The following MYH7 variants were observed in gnomAD, a reference collection of about 807,000 sequenced individuals.
The protein encoded by MYH7 is myosin-7.
MYH7 carries 129 observed loss-of-function variants against 225.4 expected under a neutral mutation model. The ratio of observed to expected loss-of-function variants is 0.57; its 90% CI spans 0.50 to 0.66. The LOEUF (loss-of-function observed/expected upper bound fraction) is 0.66, where lower values mean the gene tolerates loss of function less well. Among genes scored for constraint, MYH7 ranks in the 30% least tolerant of loss-of-function variants. The pLI is 0.00. For synonymous variants in MYH7, 971 were observed against 1,007.6 expected (o/e 0.96, Z 0.69); for missense variants, 1,649 against 2,517.0 (o/e 0.66, Z 7.38).
At position 23,425,203 on chromosome 14, in the gene MYH7, T is replaced by C. The variant is rs1595082921; in HGVS notation, c.2423+79A>G. On this transcript the variant is annotated intron_variant, in intron 21 of 39. Transcript: ENST00000355349. This position sits in a 1 kb window ranked among gnomAD's most constrained non-coding sequence, Gnocchi z 4.6. Reference sequence around the variant, plus strand: ...CAGGTCTCTGTGTTTGAAGATCTGCTGAGCTTTTTTTCCTGACACTGCCCC... The same window carrying C: ...CAGGTCTCTGTGTTTGAAGATCTGCCGAGCTTTTTTTCCTGACACTGCCCC... 2.5e-6 allele frequency: 4 copies of C among 1,612,164 alleles called. No homozygotes were observed. The highest frequency in any genetic ancestry group is 3.4e-6 in the Non-Finnish European group (4 of 1,178,640).
chr14:23,419,353 C>T (rs2138651744), intron 28 of MYH7, 58 bp from the exon 29 acceptor site: 1 of 1,612,654 alleles, frequency 6.2e-7, no homozygotes, highest in East Asian at 2.2e-5. Context: ...CTCCTCTAGC[C>T]CTCAGGCCCC....
Position 23,422,239 on chromosome 14 carries a change from G to A in MYH7, c.3186C>T (p.Thr1062=). ...KRKLEGDLKL[T]QESIMDLEND... ...TCTCCAGGTCCATGATGCTCTCCTGGGTCAGCTTCAGGTCGCCCTCCAGCT... is the reference window on the plus strand; with the variant it reads ...TCTCCAGGTCCATGATGCTCTCCTGAGTCAGCTTCAGGTCGCCCTCCAGCT... Residue 1062 remains threonine, a synonymous_variant, in exon 25 of 40, where the codon ACC becomes ACT. Coordinates refer to ENST00000355349, the MANE Select transcript of MYH7 (RefSeq NM_000257.4). 6.2e-7 allele frequency: 1 copy of A among 1,613,868 alleles called. No homozygotes were observed. The highest frequency in any genetic ancestry group is 8.5e-7 in the Non-Finnish European group (1 of 1,179,984).
intron 30 of MYH7, 183 bp from the exon 31 acceptor site, chr14:23,417,869 C>A: frequency 2.1e-6 from 2 of 965,434 alleles, no homozygotes; most frequent in Non-Finnish European, 1.7e-6. Context: ...CGTGGAGACC[C>A]AGGCACCCTC....
At position 23,429,219 on chromosome 14, in the gene MYH7, A is replaced by AG; in HGVS notation, c.1257+9_1257+10insC. 6.2e-7 allele frequency: 1 copy of AG among 1,612,862 alleles called. No individual in the cohort carries two copies. The highest frequency in any genetic ancestry group is 8.5e-7 in the Non-Finnish European group (1 of 1,178,824). On this transcript the variant is annotated intron_variant, in intron 13 of 39. Coordinates refer to ENST00000355349, the MANE Select transcript of MYH7 (RefSeq NM_000257.4). Reference sequence around the variant, plus strand: ...CCTGCCCACCCATTATCATCTGAAGATGGACCCACCTGCTGGACATTCTGC... The same window carrying AG: ...CCTGCCCACCCATTATCATCTGAAGAGTGGACCCACCTGCTGGACATTCTGC...
chr14:23,431,402 G>T lies in MYH7; in HGVS notation c.796+16C>A, dbSNP rs759774751. 6.2e-7 allele frequency: 1 copy of T among 1,613,066 alleles called. No individual in the cohort carries two copies. Among genetic ancestry groups the T allele is most frequent in the East Asian group, 2.2e-5 (1 of 44,870 alleles). ...GGGTGAGCTTAGGCTGAGCCTAGCA[G>T]ATTCATGGCACTCACAGGTCTCTAT... is the stretch of plus-strand genomic sequence containing the variant. On this transcript the variant is annotated intron_variant, in intron 9 of 39. Coordinates refer to ENST00000355349, the MANE Select transcript of MYH7 (RefSeq NM_000257.4).
At position 23,420,679 on chromosome 14, in the gene MYH7, A is replaced by G. The variant is rs1296263332; in HGVS notation, c.3336+279T>C. The stretch of plus-strand genomic sequence containing the variant: ...AACAGGGGAGGGCATGGAGACCCAG[A>G]GATCTGGAGTGGGCTCCCAGAGGTC... On this transcript the variant is annotated intron_variant, in intron 26 of 39. Transcript: ENST00000355349. 1.3e-5 allele frequency among the ~76,000 whole-genome samples: 2 copies of G among 152,192 alleles called. 1 individual carries two copies. Among genetic ancestry groups the G allele is most frequent in the Non-Finnish European group, 2.9e-5 (2 of 68,032 alleles).
Position 23,414,070 on chromosome 14 carries a change from C to T in MYH7, c.5592G>A (p.Leu1864=), listed in dbSNP as rs746962437. Residue 1864 remains leucine, a synonymous_variant, in exon 38 of 40, where the codon CTG becomes CTA. Transcript: ENST00000355349. Reference sequence around the variant, plus strand: ...GCTGCAGCTTGTCTACCAGGTCCTGCAGCCGCAGCAGGTTTTTCCTGTCCT... The same window carrying T: ...GCTGCAGCTTGTCTACCAGGTCCTGTAGCCGCAGCAGGTTTTTCCTGTCCT... The part of the protein sequence containing the change: ...TEEDRKNLLR[L]QDLVDKLQLK... The T allele has an allele frequency of 1.2e-6, 2 of 1,613,788 alleles. No homozygotes were observed. The highest frequency in any genetic ancestry group is 2.2e-5 in the South Asian group (2 of 91,084).
intron 25 of MYH7, 73 bp downstream of exon 25, chr14:23,422,107 A>G: frequency 6.2e-7 from 1 of 1,604,324 alleles, no homozygotes; most frequent in Non-Finnish European, 8.5e-7. Context: ...GCCTCAGAGG[A>G]TGGCTGTCTT....
In MYH7 at chr14:23,433,189, G is replaced by A. The variant is rs200493975; in HGVS notation, c.240C>T (p.Asn80=). ...CCTCGATTTTGTCGAACTTGGGTGG[G>A]TTCTGCTGCATCACCTGGTCCTCCT... is the stretch of plus-strand genomic sequence containing the variant. ...TVKEDQVMQQ[N]PPKFDKIEDM... The change falls in exon 4 of 40, where the codon AAC becomes AAT. Residue 80 remains asparagine, a synonymous_variant. Transcript: ENST00000355349. The surrounding 1 kb of genome is among the most constrained non-coding windows in gnomAD (Gnocchi z 4.1). The A allele has an allele frequency of 8.3e-5, 134 of 1,614,006 alleles. No homozygotes were observed. Among genetic ancestry groups the A allele is most frequent in the Admixed American group, 1.7e-5 (1 of 60,004 alleles).
chr14:23,428,776 C>G, intron 14 of MYH7, 106 bp from the exon 15 acceptor site: 1 of 1,591,728 alleles, frequency 6.3e-7, no homozygotes, highest in Non-Finnish European at 8.6e-7. Flanking sequence ...GGCTGGTCCC[C>G]TCCATGTCAA....
At chr14:23,413,002 GC>G (rs1294516073) in intron 39 of MYH7, 131 bp from the exon 40 acceptor site, 5 of 881,270 alleles carry the variant, frequency 5.7e-6, no homozygotes, top group Non-Finnish European at 9.2e-6. Context: ...AGCCCCTGTG[GC>G]AGCAGCACAT....
At chr14:23,421,332 G>A (rs529921569) in intron 25 of MYH7, among the ~76,000 whole-genome samples, 12 of 152,052 alleles carry the variant, frequency 7.9e-5, no homozygotes, top group South Asian at 2.1e-4. Flanking sequence ...TGAGGGGGTC[G>A]GACTAGATTG....
rs2138641444 is a variant in MYH7 at position 23,415,995 on chromosome 14, G to C, written c.4953+9C>G. The C allele has an allele frequency of 1.2e-6, 2 of 1,614,084 alleles. No individual in the cohort carries two copies. Among genetic ancestry groups the C allele is most frequent in the Non-Finnish European group, 1.7e-6 (2 of 1,180,030 alleles). On this transcript the variant is annotated intron_variant, in intron 34 of 39. Coordinates refer to ENST00000355349, the MANE Select transcript of MYH7 (RefSeq NM_000257.4). The surrounding 1 kb of genome is among the most constrained non-coding windows in gnomAD (Gnocchi z 6.3). ...GCCACGTGGAGGCCAGTCCCCTCTGGGTGAGTACCTTCAACAAGCTCTGGA... is the reference window on the plus strand; with the variant it reads ...GCCACGTGGAGGCCAGTCCCCTCTGCGTGAGTACCTTCAACAAGCTCTGGA...
chr14:23,415,906 C>T lies in MYH7; in HGVS notation c.4954-74G>A. The T allele has an allele frequency of 6.2e-7, 1 of 1,612,786 alleles. No individual in the cohort carries two copies. Among genetic ancestry groups the T allele is most frequent in the Non-Finnish European group, 8.5e-7 (1 of 1,179,036 alleles). The stretch of plus-strand genomic sequence containing the variant: ...TTCACTAAAGGCACCTGTCAGAGGT[C>T]CCTGCAGTAACCTAGGGGCAGGAGG... On this transcript the variant is annotated intron_variant, in intron 34 of 39. Transcript: ENST00000355349. This position sits in a 1 kb window ranked among gnomAD's most constrained non-coding sequence, Gnocchi z 6.3.
rs200714763 is a variant in MYH7, at chr14:23,423,591, T to C, written c.3055A>G (p.Thr1019Ala). ...AGCTTGACTTTGGCCTTAGTCAGGG[T>C]GTTGACCTTGTCCTCCTCGGCCTGA... is the stretch of plus-strand genomic sequence containing the variant. ...DLQAEEDKVN[T>A]LTKAKVKLEQ... The change falls in exon 24 of 40, where the codon ACC becomes GCC. Residue 1019 changes from threonine (T) to alanine (A), a missense_variant. By Grantham distance (58) the Thr-to-Ala change is moderately conservative. Transcript: ENST00000355349. The C allele has an allele frequency of 8.7e-6, 14 of 1,614,096 alleles. No homozygotes were observed. Among genetic ancestry groups the C allele is most frequent in the Non-Finnish European group, 1.2e-5 (14 of 1,180,022 alleles).
chr14:23,416,367 GT>G, intron 33 of MYH7, 55 bp from the exon 34 acceptor site: 1 of 1,559,840 alleles, frequency 6.4e-7, no homozygotes, highest in South Asian at 1.2e-5. Context: ...ACAGGGCAGG[GT>G]GGGGGCCTGC....
chr14:23,426,101 G>T lies in MYH7; in HGVS notation c.2045-20C>A, dbSNP rs773185645. Reference sequence around the variant, plus strand: ...TCACCCCTGTGGCAAGAAGGAAGTAGGAGGAGTCTGTGAGAACACTGGACT... The same window carrying T: ...TCACCCCTGTGGCAAGAAGGAAGTATGAGGAGTCTGTGAGAACACTGGACT... On this transcript the variant is annotated intron_variant, in intron 18 of 39. Transcript: ENST00000355349. 164 of 1,613,696 alleles carry T rather than the reference G, an allele frequency of 1.0e-4. 1 individual carries two copies. In the South Asian group the frequency reaches 1.8e-3, roughly 17 times the overall value.
chr14:23,433,049 A>C lies in MYH7; in HGVS notation c.345+35T>G. ...GGGTGGACATGGATGGAGCAAGAAC[A>C]GAGATCCCAACGTAGGGCCAGGTGC... On this transcript the variant is annotated intron_variant, in intron 4 of 39. Coordinates refer to ENST00000355349, the MANE Select transcript of MYH7 (RefSeq NM_000257.4). This position sits in a 1 kb window ranked among gnomAD's most constrained non-coding sequence, Gnocchi z 4.1. The C allele has an allele frequency of 6.2e-7, 1 of 1,614,026 alleles. No individual in the cohort carries two copies. Among genetic ancestry groups the C allele is most frequent in the Non-Finnish European group, 8.5e-7 (1 of 1,179,958 alleles).
intron 13 of MYH7, 45 bp downstream of exon 13, chr14:23,429,184 G>C (rs1359758942): frequency 1.2e-6 from 2 of 1,613,630 alleles, no homozygotes; most frequent in African/African-American, 2.7e-5. Context: ...CACCATGCCA[G>C]TCTCCCTACC....
Sources: gnomAD v4.1 joint callset for allele counts (sites outside exome capture counted in the v4.1 genomes callset) on GRCh38, gnomAD v4.1.1 for gene constraint, Gnocchi (gnomAD v3.1) non-coding constraint, MANE v1.5 for transcripts, NCBI Gene and HGNC (gene_info 2026-07-23, HGNC 2026-07-21) for gene names.